The following MYOM1 variants were observed in gnomAD, a reference collection of about 807,000 sequenced individuals.
MYOM1 encodes myomesin 1.
MYOM1 carries 164 observed loss-of-function variants against 205.3 expected under a neutral mutation model. That is an observed-to-expected ratio of 0.80 (90% confidence interval 0.70 to 0.91). The LOEUF (loss-of-function observed/expected upper bound fraction) is 0.91, where lower values mean the gene tolerates loss of function less well. MYOM1 is among the 40% of genes least tolerant of loss of function. The pLI is 0.00. For synonymous variants in MYOM1, 772 were observed against 789.4 expected, an observed-to-expected ratio of 0.98 and a Z score of 0.37; for missense variants, 2,011 against 2,127.3, an observed-to-expected ratio of 0.95 and a Z score of 1.08.
At chr18:3,172,022 G>A (rs2080564799) in intron 8 of MYOM1, among the ~76,000 whole-genome samples, 1 of 152,168 alleles carries the variant, frequency 6.6e-6, no homozygotes, top group African/African-American at 2.4e-5. Flanking sequence ...CATTGGCATA[G>A]CGCAGATAGA....
At chr18:3,099,440 G>A (rs926615960) in intron 25 of MYOM1, among the ~76,000 whole-genome samples, 1 of 152,154 alleles carries the variant, frequency 6.6e-6, no homozygotes, top group Non-Finnish European at 1.5e-5. Context: ...TAAAAAGAAT[G>A]GGTGTATACT....
intron 21 of MYOM1, among the ~76,000 whole-genome samples, chr18:3,113,053 G>A (rs12956485): frequency 0.87 from 132,497 of 151,880 alleles, 58,305 homozygotes; most frequent in East Asian, 0.98. Flanking sequence ...AAATCCTCAA[G>A]TTTTTAATGA....
rs1387616928 is a variant in MYOM1 at position 3,067,186 on chromosome 18, T to C, written c.*76A>G. 2 of 1,441,058 alleles carry C rather than the reference T, an allele frequency of 1.4e-6. No individual in the cohort carries two copies. Among genetic ancestry groups the C allele is most frequent in the Non-Finnish European group, 1.9e-6 (2 of 1,072,220 alleles). 89.3% of individuals were successfully genotyped at this position (1,441,058 alleles called of 1,614,324 possible). A position where few individuals can be genotyped will look rare whatever the true frequency, so the allele number is the denominator to read the frequency against. On this transcript the variant is annotated 3_prime_UTR_variant, in exon 38 of 38. Transcript: ENST00000356443. ...AGAAAATAATAGGGAGGAGAAAGCA[T>C]GAAGACGTCTCATCCTTAACCCAAA...
chr18:3,123,483 A>G (rs1479938420), intron 19 of MYOM1, among the ~76,000 whole-genome samples: 1 of 152,112 alleles, frequency 6.6e-6, no homozygotes, highest in Non-Finnish European at 1.5e-5. Flanking sequence ...GGCTTTAAAA[A>G]GACCAAAACG....
chr18:3,136,777 G>C (rs1297107908), intron 14 of MYOM1, among the ~76,000 whole-genome samples: 1 of 152,040 alleles, frequency 6.6e-6, no homozygotes, highest in African/African-American at 2.4e-5. Flanking sequence ...TTCTTAGCCT[G>C]CTTTATTCTT....
intron 21 of MYOM1, 151 bp downstream of exon 21, chr18:3,116,180 C>T: frequency 1.3e-6 from 1 of 775,688 alleles, no homozygotes; most frequent in Non-Finnish European, 2.0e-6. Context: ...GAAACTTCTC[C>T]CAGCCCCAAC....
intron 8 of MYOM1, among the ~76,000 whole-genome samples, chr18:3,173,414 C>T (rs1186406562): frequency 6.6e-6 from 1 of 152,176 alleles, no homozygotes; most frequent in African/African-American, 2.4e-5. Context: ...TACAGCCTCA[C>T]TGACGCTCCG....
intron 2 of MYOM1, among the ~76,000 whole-genome samples, chr18:3,200,449 T>C (rs1461804140): frequency 6.6e-6 from 1 of 152,184 alleles, no homozygotes; most frequent in Admixed American, 6.5e-5. Flanking sequence ...ATTATAAATA[T>C]GTTCAAAAAC....
At chr18:3,118,930 T>C (rs1473377525) in intron 20 of MYOM1, among the ~76,000 whole-genome samples, 7 of 152,066 alleles carry the variant, frequency 4.6e-5, no homozygotes, top group South Asian at 2.1e-4. Flanking sequence ...AAAGGCAACG[T>C]GATGGTCTTC....
rs542067434 is a variant in MYOM1, at chr18:3,204,345, A to G, written c.291-10387T>C. On this transcript the variant is annotated intron_variant, in intron 2 of 37. Coordinates refer to ENST00000356443, the MANE Select transcript of MYOM1 (RefSeq NM_003803.4). ...TAGAAAATCCTAAAAAATACACACAAAAATTGTTGGTACTAATAAATGAGT... is the reference window on the plus strand; with the variant it reads ...TAGAAAATCCTAAAAAATACACACAGAAATTGTTGGTACTAATAAATGAGT... 7.4e-4 allele frequency among the ~76,000 whole-genome samples: 112 copies of G among 152,120 alleles called. 1 individual carries two copies. Among genetic ancestry groups the G allele is most frequent in the African/African-American group, 2.7e-3 (111 of 41,576 alleles).
rs919152490 is a variant in MYOM1 at position 3,132,401 on chromosome 18, C to T, written c.2385-905G>A. 5.3e-5 allele frequency among the ~76,000 whole-genome samples: 8 copies of T among 152,052 alleles called. No individual in the cohort carries two copies. In the East Asian group the frequency reaches 1.3e-3, roughly 26 times the overall value. ...CTCCGACCTCGTGATCCACCCACCT[C>T]GGCCTCCCAAAGTTCTGGGATTACA... On this transcript the variant is annotated intron_variant, in intron 16 of 37. Transcript: ENST00000356443.
At chr18:3,199,408 C>T (rs1474789157) in intron 2 of MYOM1, among the ~76,000 whole-genome samples, 1 of 152,178 alleles carries the variant, frequency 6.6e-6, no homozygotes, top group African/African-American at 2.4e-5. Flanking sequence ...CCTTCATAAG[C>T]TCTCCATACA....
chr18:3,092,186 C>T (rs1371754744), intron 26 of MYOM1, among the ~76,000 whole-genome samples: 2 of 151,646 alleles, frequency 1.3e-5, no homozygotes, highest in Non-Finnish European at 1.5e-5. Context: ...AAAAAAAATG[C>T]TTCTAAATGT....
chr18:3,238,604 G>A, the MYOM1 span, among the ~76,000 whole-genome samples: 1 of 152,102 alleles, frequency 6.6e-6, no homozygotes, highest in Non-Finnish European at 1.5e-5. Flanking sequence ...TTTGTGATAC[G>A]GTACATTAGT....
At chr18:3,150,516 C>T (rs747416694) in intron 12 of MYOM1, among the ~76,000 whole-genome samples, 2 of 152,154 alleles carry the variant, frequency 1.3e-5, no homozygotes, top group Non-Finnish European at 2.9e-5. Context: ...CTGCTGGCAT[C>T]TAGTGGGTAG....
In MYOM1 at chr18:3,086,851, C is replaced by T. The variant is rs1423845080; in HGVS notation, c.4138-700G>A. Among the ~76,000 whole-genome samples, 3 of 152,220 alleles carry T rather than the reference C, an allele frequency of 2.0e-5. No individual in the cohort carries two copies. The East Asian group carries it at 5.8e-4, about 29-fold the overall frequency. ...GAAAAAGTAAAGACTTCCTACAAAT[C>T]AAGAAAACCGTCTCAAAGACCCCAC... On this transcript the variant is annotated intron_variant, in intron 29 of 37. Coordinates refer to ENST00000356443, the MANE Select transcript of MYOM1 (RefSeq NM_003803.4).
chr18:3,110,518 T>C (rs75505702), intron 22 of MYOM1, among the ~76,000 whole-genome samples: 11 of 152,180 alleles, frequency 7.2e-5, no homozygotes, highest in Admixed American at 6.5e-4. Context: ...ATGCTAGTCA[T>C]TCATTATTTT....
intron 2 of MYOM1, among the ~76,000 whole-genome samples, chr18:3,196,385 G>A (rs2080990295): frequency 1.3e-5 from 2 of 152,024 alleles, no homozygotes; most frequent in African/African-American, 4.8e-5. Context: ...GTTAAATAAG[G>A]GATTGCTAAC....
chr18:3,215,432 C>T (rs2081252686), intron 1 of MYOM1, among the ~76,000 whole-genome samples, 181 bp from the exon 2 acceptor site: 1 of 151,928 alleles, frequency 6.6e-6, no homozygotes, highest in South Asian at 2.1e-4. Flanking sequence ...ACAGTGAGAC[C>T]CTATCTCTAC....
Sources: allele counts gnomAD v4.1 joint callset (sites outside exome capture counted in the v4.1 genomes callset), GRCh38; gene constraint gnomAD v4.1.1; transcripts MANE v1.5; gene names NCBI Gene and HGNC (gene_info 2026-07-23, HGNC 2026-07-21).